FLNC: variants seen among roughly 807,000 people sequenced by gnomAD.
FLNC encodes the protein filamin-C.
A neutral mutation model predicts 254.3 loss-of-function variants in FLNC; 91 were observed. The observed-to-expected ratio is 0.36, with a 90% CI of 0.30 to 0.43. The LOEUF (loss-of-function observed/expected upper bound fraction) is 0.43, where lower values mean the gene tolerates loss of function less well. FLNC is among the 20% of genes least tolerant of loss of function. The pLI is 1.00. For missense variants in FLNC, 2,853 were observed against 3,802.6 expected (o/e 0.75, Z 6.57); for synonymous variants, 1,430 against 1,577.2 (o/e 0.91, Z 2.21).
chr7:128,846,595 T>A (rs2128936961), intron 23 of FLNC, 132 bp downstream of exon 23: 2 of 1,389,160 alleles, frequency 1.4e-6, no homozygotes, highest in South Asian at 2.4e-5. Flanking sequence ...GCAGACCCCC[T>A]CCAGGACCCC....
Position 128,852,904 on chromosome 7 carries a change from C to T in FLNC, c.6081C>T (p.Ser2027=), listed in dbSNP as rs751020044. ...VRKSGKHVTN[S]PFKILVGPSE... is the part of the protein sequence containing the mutation. Reference sequence around the variant, plus strand: ...AGAGTGGCAAGCATGTCACCAACAGCCCCTTCAAGATCCTGGTGGGGCCAT... The same window carrying T: ...AGAGTGGCAAGCATGTCACCAACAGTCCCTTCAAGATCCTGGTGGGGCCAT... The change falls in exon 37 of 48, where the codon AGC becomes AGT. Residue 2027 remains serine, a synonymous_variant. Transcript: ENST00000325888. 3.1e-6 allele frequency: 5 copies of T among 1,613,702 alleles called. No homozygotes were observed. Among genetic ancestry groups the T allele is most frequent in the Non-Finnish European group, 4.2e-6 (5 of 1,180,014 alleles).
chr7:128,841,784 A>AT lies in FLNC; in HGVS notation c.2121+222dup, dbSNP rs1209471846. ...TAAAAACGTATTTTACCAAAGAGTC[A>AT]TTTTTGTGCTAATTTGTAATTGAAA... On this transcript the variant is annotated intron_variant, in intron 13 of 47. Coordinates refer to ENST00000325888, the MANE Select transcript of FLNC (RefSeq NM_001458.5). The surrounding 1 kb of genome is among the most constrained non-coding windows in gnomAD (Gnocchi z 4.3). Among the ~76,000 whole-genome samples, 3 of 152,216 alleles carry AT rather than the reference A, an allele frequency of 2.0e-5. No individual in the cohort carries two copies. Among genetic ancestry groups the AT allele is most frequent in the African/African-American group, 7.2e-5 (3 of 41,456 alleles).
Position 128,841,662 on chromosome 7 carries a change from A to G in FLNC, c.2121+95A>G. The G allele has an allele frequency of 3.4e-6, 3 of 888,116 alleles. No homozygotes were observed. Among genetic ancestry groups the G allele is most frequent in the South Asian group, 2.6e-5 (2 of 75,558 alleles). 55.0% of individuals were successfully genotyped at this position (888,116 alleles called of 1,614,324 possible). A position where few individuals can be genotyped will look rare whatever the true frequency, so the allele number is the denominator to read the frequency against. ...AGAGGCAGAGGCCTCCCAGCAGGAA[A>G]TGACAGCATCACAGAAGATCAGGCA... On this transcript the variant is annotated intron_variant, in intron 13 of 47. Transcript: ENST00000325888. The surrounding 1 kb of genome is among the most constrained non-coding windows in gnomAD (Gnocchi z 4.3).
chr7:128,851,360 G>T lies in FLNC; in HGVS notation c.5668G>T (p.Gly1890Trp), dbSNP rs1808803000. 1 of 1,614,120 alleles carries T rather than the reference G, an allele frequency of 6.2e-7. No individual in the cohort carries two copies. Among genetic ancestry groups the T allele is most frequent in the Middle Eastern group, 1.6e-4 (1 of 6,062 alleles). The change falls in exon 34 of 48, where the codon GGG becomes TGG. Residue 1890 changes from glycine to tryptophan, a missense_variant and splice_region_variant. Gly to Trp is a radical substitution (Grantham distance 184). Coordinates refer to ENST00000325888, the MANE Select transcript of FLNC (RefSeq NM_001458.5). The part of the protein sequence containing the change: ...FTIVTKDAGE[G>W]GLSLAVEGPS... ...TATTGTCACCAAAGATGCTGGAGAAGGTGAGGGAGCTGCAGGTCGCAGGCT... is the reference window on the plus strand; with the variant it reads ...TATTGTCACCAAAGATGCTGGAGAATGTGAGGGAGCTGCAGGTCGCAGGCT...
chr7:128,848,969 G>T lies in FLNC; in HGVS notation c.4914G>T (p.Lys1638Asn), dbSNP rs371385321. The T allele has an allele frequency of 1.9e-6, 3 of 1,611,868 alleles. No individual in the cohort carries two copies. The Admixed American group carries it at 5.0e-5, about 27-fold the overall frequency. The change falls in exon 28 of 48, where the codon AAG (lysine) becomes AAT (asparagine). Residue 1638 changes from lysine to asparagine, a missense_variant. This residue lies in a region of FLNC where 258 missense variants were observed against 312.3 expected (regional missense o/e 0.83). Transcript: ENST00000325888. ...CTCTGCCCACTGGGGATGCCAGCAA[G>T]TGCCTCGTCACAGGTGGGTGCCCAC... ...IHALPTGDAS[K>N]CLVTVSIGGH...
Position 128,849,358 on chromosome 7 carries a change from T to C in FLNC, c.4979T>C (p.Ile1660Thr), listed in dbSNP as rs750254727. 8 of 1,613,860 alleles carry C rather than the reference T, an allele frequency of 5.0e-6. No individual in the cohort carries two copies. In the East Asian group the frequency reaches 8.9e-5, roughly 18 times the overall value. ...LGACLGPRIQ[I>T]GQETVITVDA... ...GCCTGCCTGGGCCCTCGAATCCAGATTGGGCAGGAGACGGTGATCACGGTG... is the reference window on the plus strand; with the variant it reads ...GCCTGCCTGGGCCCTCGAATCCAGACTGGGCAGGAGACGGTGATCACGGTG... The change falls in exon 30 of 48, where the codon ATT becomes ACT. Residue 1660 changes from isoleucine to threonine, a missense_variant. Ile to Thr is a moderately conservative substitution (Grantham distance 89, BLOSUM62 -1). Transcript: ENST00000325888.
chr7:128,843,647 C>G, intron 18 of FLNC, 70 bp downstream of exon 18: 1 of 1,572,574 alleles, frequency 6.4e-7, no homozygotes. Flanking sequence ...TCCTCCAGTC[C>G]CATGGGACCA....
chr7:128,853,059 T>G (rs1420122179), intron 37 of FLNC, 28 bp downstream of exon 37: 4 of 1,604,464 alleles, frequency 2.5e-6, no homozygotes, highest in Non-Finnish European at 3.4e-6. Context: ...GAGCCCCCAT[T>G]CCAGCGGGTG....
chr7:128,849,555 C>T lies in FLNC; in HGVS notation c.5176C>T (p.Pro1726Ser), dbSNP rs529240463. 3.1e-6 allele frequency: 5 copies of T among 1,614,062 alleles called. No homozygotes were observed. The African/African-American group carries it at 4.0e-5, about 13-fold the overall frequency. Residue 1726 changes from proline to serine, a missense_variant, in exon 30 of 48, where the codon CCC (proline) becomes TCC (serine). By Grantham distance (74) the Pro-to-Ser change is moderately conservative. This residue lies in a region of FLNC where 258 missense variants were observed against 312.3 expected (regional missense o/e 0.83). Coordinates refer to ENST00000325888, the MANE Select transcript of FLNC (RefSeq NM_001458.5). ...CATCCGCTTCGGGGGTGAGCACATC[C>T]CCAACAGCCCCTTCCACGTGCTGGT... Reference protein sequence around the residue: ...ITIRFGGEHIPNSPFHVLACD... With the variant: ...ITIRFGGEHISNSPFHVLACD...
At position 128,843,767 on chromosome 7, in the gene FLNC, C is replaced by G. The variant is rs767474456; in HGVS notation, c.2812-29C>G. The G allele has an allele frequency of 1.2e-5, 19 of 1,596,042 alleles. No homozygotes were observed. The East Asian group carries it at 3.8e-4, about 32-fold the overall frequency. On this transcript the variant is annotated intron_variant, in intron 18 of 47. Coordinates refer to ENST00000325888, the MANE Select transcript of FLNC (RefSeq NM_001458.5). ...ATGTTGTAGGACCTTGCCTTATATC[C>G]AGTTCTGACCTACCATTGTACCCAA...
At position 128,836,608 on chromosome 7, in the gene FLNC, C is replaced by G. The variant is rs1808102428; in HGVS notation, c.602-552C>G. 6.6e-6 allele frequency among the ~76,000 whole-genome samples: 1 copy of G among 152,192 alleles called. No individual in the cohort carries two copies. The highest frequency in any genetic ancestry group is 1.5e-5 in the Non-Finnish European group (1 of 68,030). ...CTCCTGAGGGCTGCAGAGGAGAAGT[C>G]ATTCTCTCCTCACAGGCCCTTTAAT... is the stretch of plus-strand genomic sequence containing the variant. On this transcript the variant is annotated intron_variant, in intron 2 of 47. Coordinates refer to ENST00000325888, the MANE Select transcript of FLNC (RefSeq NM_001458.5). This position sits in a 1 kb window ranked among gnomAD's most constrained non-coding sequence, Gnocchi z 6.0.
Position 128,849,541 on chromosome 7 carries a change from G to A in FLNC, c.5162G>A (p.Gly1721Glu), listed in dbSNP as rs1181189567. ...PGKYVITIRFGGEHIPNSPFH... is the reference protein window; with the variant it reads ...PGKYVITIRFEGEHIPNSPFH... ...AAGTACGTCATCACCATCCGCTTCG[G>A]GGGTGAGCACATCCCCAACAGCCCC... Residue 1721 changes from glycine (G) to glutamate (E), a missense_variant, in exon 30 of 48, where the codon GGG becomes GAG. This residue lies in a region of FLNC where 258 missense variants were observed against 312.3 expected (regional missense o/e 0.83). Coordinates refer to ENST00000325888, the MANE Select transcript of FLNC (RefSeq NM_001458.5). 2 of 1,614,170 alleles carry A rather than the reference G, an allele frequency of 1.2e-6. No homozygotes were observed. Among genetic ancestry groups the A allele is most frequent in the East Asian group, 4.5e-5 (2 of 44,888 alleles).
At chr7:128,848,166 C>T in intron 26 of FLNC, 98 bp downstream of exon 26, 1 of 1,405,060 alleles carries the variant, frequency 7.1e-7, no homozygotes, top group Non-Finnish European at 9.8e-7. Context: ...CTGGGAGAGC[C>T]TCTCCCAGCT....
chr7:128,848,375 G>A (rs1489787653), intron 26 of FLNC, among the ~76,000 whole-genome samples, 186 bp from the exon 27 acceptor site: 1 of 152,094 alleles, frequency 6.6e-6, no homozygotes, highest in Non-Finnish European at 1.5e-5. Context: ...TGTCGAGGGA[G>A]TCCCAGAGTG....
At position 128,842,191 on chromosome 7, in the gene FLNC, G is replaced by T. The variant is rs1202109493; in HGVS notation, c.2122-40G>T. The T allele has an allele frequency of 1.2e-5, 19 of 1,610,034 alleles. No individual in the cohort carries two copies. Among genetic ancestry groups the T allele is most frequent in the Non-Finnish European group, 1.6e-5 (19 of 1,178,030 alleles). ...TGCGGCCAGCAGAGGGCGCTCTGCA[G>T]AGGCCACAGCTATGAACTTTGCTTG... On this transcript the variant is annotated intron_variant, in intron 13 of 47. Coordinates refer to ENST00000325888, the MANE Select transcript of FLNC (RefSeq NM_001458.5). This position sits in a 1 kb window ranked among gnomAD's most constrained non-coding sequence, Gnocchi z 5.4.
intron 18 of FLNC, 103 bp downstream of exon 18, chr7:128,843,680 C>T: frequency 6.7e-7 from 1 of 1,494,704 alleles, no homozygotes; most frequent in Non-Finnish European, 9.3e-7. Context: ...CCACGCCTTT[C>T]CTGCCTCCTG....
intron 8 of FLNC, 119 bp from the exon 9 acceptor site, chr7:128,839,904 C>A: frequency 1.5e-6 from 2 of 1,306,656 alleles, no homozygotes; most frequent in Non-Finnish European, 2.2e-6. Context: ...GGCTCCAGAG[C>A]AGGGCCGTGG....
rs1247783009 is a variant in FLNC at position 128,854,164 on chromosome 7, C to T, written c.6675C>T (p.Phe2225=). 5 of 1,610,936 alleles carry T rather than the reference C, an allele frequency of 3.1e-6. 1 individual carries two copies. The South Asian group carries it at 4.4e-5, about 14-fold the overall frequency. The change falls in exon 40 of 48, where the codon TTC becomes TTT. Residue 2225 remains phenylalanine (F), a synonymous_variant. Coordinates refer to ENST00000325888, the MANE Select transcript of FLNC (RefSeq NM_001458.5). ...GDPFPAVFGD[F]LGRERLGSFG... ...CCTTCCCTGCTGTGTTTGGGGACTT[C>T]CTGGGCCGGGAGCGCCTGGGATCCT...
In FLNC at chr7:128,837,266, G is replaced by A. The variant is rs749055253; in HGVS notation, c.699+9G>A. ...GGCTTGGGGTGCCCCAGGTACATGCGCAGATGGGGCAGGGGGGAAAGGGGG... is the reference window on the plus strand; with the variant it reads ...GGCTTGGGGTGCCCCAGGTACATGCACAGATGGGGCAGGGGGGAAAGGGGG... On this transcript the variant is annotated intron_variant, in intron 3 of 47. Coordinates refer to ENST00000325888, the MANE Select transcript of FLNC (RefSeq NM_001458.5). The A allele has an allele frequency of 2.3e-4, 364 of 1,549,992 alleles. No individual in the cohort carries two copies. The highest frequency in any genetic ancestry group is 8.4e-5 in the Non-Finnish European group (96 of 1,142,838).
Sources: allele counts gnomAD v4.1 joint callset (sites outside exome capture counted in the v4.1 genomes callset), GRCh38; gene constraint gnomAD v4.1.1; regional missense constraint gnomAD v4.1.1; non-coding constraint Gnocchi (gnomAD v3.1); transcripts MANE v1.5; gene names NCBI Gene and HGNC (gene_info 2026-07-23, HGNC 2026-07-21).